The following TRAPPC8 variants were observed in gnomAD, a reference collection of about 807,000 sequenced individuals.
TRAPPC8 encodes general sporulation gene 1 homolog.
A neutral mutation model predicts 174.3 loss-of-function variants in TRAPPC8; 54 were observed. That is an observed-to-expected ratio of 0.31 (90% confidence interval 0.25 to 0.39). The LOEUF is 0.39. Among genes scored for constraint, TRAPPC8 ranks in the 10% least tolerant of loss-of-function variants. The pLI is 1.00. For synonymous variants in TRAPPC8, 630 were observed against 579.9 expected (o/e 1.09, Z -1.24); for missense variants, 1,531 against 1,699.1 (o/e 0.90, Z 1.74).
At position 31,930,467 on chromosome 18, in the gene TRAPPC8, G is replaced by A. The variant is rs147707743; in HGVS notation, c.352+862C>T. ...GATATTAGGAAGTATTAAAGTATTA[G>A]ATTATAAACTATCCTGGCCTAAAAA... On this transcript the variant is annotated intron_variant, in intron 2 of 28. Transcript: ENST00000283351. Among the ~76,000 whole-genome samples, 1,083 of 152,250 alleles carry A rather than the reference G, an allele frequency of 7.1e-3. 14 individuals are homozygous for A. Among genetic ancestry groups the A allele is most frequent in the African/African-American group, 0.025 (1,038 of 41,544 alleles).
chr18:31,865,740 A>C (rs1217245754), intron 18 of TRAPPC8, among the ~76,000 whole-genome samples: 1 of 151,876 alleles, frequency 6.6e-6, no homozygotes, highest in East Asian at 1.9e-4. Flanking sequence ...AAGGAGATTC[A>C]AAAAGCTGTT....
intron 11 of TRAPPC8, among the ~76,000 whole-genome samples, chr18:31,893,955 A>G (rs1452154776): frequency 6.6e-6 from 1 of 152,220 alleles, no homozygotes; most frequent in Non-Finnish European, 1.5e-5. Context: ...AGCTAAGAAT[A>G]TCCCCTGAGA....
chr18:31,872,081 T>C (rs909269308), intron 14 of TRAPPC8, among the ~76,000 whole-genome samples: 2 of 152,130 alleles, frequency 1.3e-5, no homozygotes, highest in African/African-American at 4.8e-5. Flanking sequence ...ATCACCCAAA[T>C]AGTATACATT....
rs776289686 is a variant in TRAPPC8 at position 31,853,914 on chromosome 18, A to G, written c.3368T>C (p.Val1123Ala). ...GTGTTTGCTACTACTTGATACTTGC[A>G]CTATGTGGAATTCCTTAACGCCTGC... ...SEAGVKEFHIVQVSSSSKHWK... is the reference protein window; with the variant it reads ...SEAGVKEFHIAQVSSSSKHWK... The change falls in exon 22 of 29, where the codon GTG (valine) becomes GCG (alanine). Residue 1123 changes from valine (V) to alanine (A), a missense_variant. By Grantham distance (64) the Val-to-Ala change is moderately conservative (BLOSUM62 0). Coordinates refer to ENST00000283351, the MANE Select transcript of TRAPPC8 (RefSeq NM_014939.5). 3.1e-6 allele frequency: 5 copies of G among 1,611,254 alleles called. No individual in the cohort carries two copies. In the African/African-American group the frequency reaches 4.0e-5, roughly 13 times the overall value.
In TRAPPC8 at chr18:31,870,840, A is replaced by G. The variant is rs1201600398; in HGVS notation, c.2257+86T>C. Reference sequence around the variant, plus strand: ...AATTTATTTTTGCATCCCCAGCACCAATTATGTGTGCCAAACAATAAATTA... The same window carrying G: ...AATTTATTTTTGCATCCCCAGCACCGATTATGTGTGCCAAACAATAAATTA... On this transcript the variant is annotated intron_variant, in intron 15 of 28. Coordinates refer to ENST00000283351, the MANE Select transcript of TRAPPC8 (RefSeq NM_014939.5). 4.9e-6 allele frequency: 6 copies of G among 1,229,592 alleles called. No individual in the cohort carries two copies. In the East Asian group the frequency reaches 1.3e-4, roughly 27 times the overall value. The allele number at this position is 1,229,592 out of a possible 1,614,324, so 76.2% of individuals were successfully genotyped here. A position where few individuals can be genotyped will look rare whatever the true frequency, so the allele number is the denominator to read the frequency against.
At chr18:31,869,564 CAAA>C (rs958447029) in intron 16 of TRAPPC8, among the ~76,000 whole-genome samples, 1 of 152,004 alleles carries the variant, frequency 6.6e-6, no homozygotes, top group African/African-American at 2.4e-5. Context: ...AAGCCACACA[CAAA>C]AAAGTGCACC....
At chr18:31,887,355 G>GT (rs1473649524) in intron 12 of TRAPPC8, among the ~76,000 whole-genome samples, 3 of 152,066 alleles carry the variant, frequency 2.0e-5, no homozygotes, top group African/African-American at 7.2e-5. Flanking sequence ...CCTCAAAATA[G>GT]TAAGAGCTGG....
intron 19 of TRAPPC8, among the ~76,000 whole-genome samples, 174 bp downstream of exon 19, chr18:31,864,453 C>T (rs370879255): frequency 1.4e-4 from 21 of 152,168 alleles, no homozygotes; most frequent in Admixed American, 1.1e-3. Context: ...GACTTAATGG[C>T]AATTTGCATG....
intron 27 of TRAPPC8, among the ~76,000 whole-genome samples, chr18:31,836,830 C>T (rs865880136): frequency 4.1e-4 from 60 of 147,362 alleles, no homozygotes; most frequent in African/African-American, 1.4e-3. Flanking sequence ...GGCACGATCT[C>T]GGCTCACTGC....
chr18:31,848,393 A>G (rs1473847980), intron 25 of TRAPPC8, among the ~76,000 whole-genome samples: 1 of 152,198 alleles, frequency 6.6e-6, no homozygotes, highest in Non-Finnish European at 1.5e-5. Flanking sequence ...AATATTATAG[A>G]TTGCTACACG....
chr18:31,856,459 CTTAAGTGA>C (rs2034019040), intron 20 of TRAPPC8, among the ~76,000 whole-genome samples: 1 of 90,502 alleles, frequency 1.1e-5, no homozygotes, highest in Non-Finnish European at 2.4e-5. Flanking sequence ...CTTAAGTGAT[CTTAAGTGA>C]GGCCCACCTC....
intron 27 of TRAPPC8, among the ~76,000 whole-genome samples, chr18:31,837,730 GA>G (rs919413304): frequency 6.1e-5 from 9 of 148,732 alleles, no homozygotes; most frequent in South Asian, 2.1e-4. Context: ...AGAAGAAGAA[GA>G]AAAAAAAATA....
intron 4 of TRAPPC8, among the ~76,000 whole-genome samples, chr18:31,914,382 T>C (rs2037046769): frequency 2.0e-5 from 3 of 152,222 alleles, no homozygotes; most frequent in African/African-American, 7.2e-5. Flanking sequence ...TTACTAATGA[T>C]ACTGCTAAAC....
intron 12 of TRAPPC8, among the ~76,000 whole-genome samples, chr18:31,879,146 G>A (rs969368069): frequency 6.6e-6 from 1 of 152,136 alleles, no homozygotes; most frequent in African/African-American, 2.4e-5. Flanking sequence ...GTCTACAGAA[G>A]ATTCCAACTG....
intron 12 of TRAPPC8, among the ~76,000 whole-genome samples, chr18:31,878,131 C>A (rs558121482): frequency 6.6e-6 from 1 of 152,198 alleles, no homozygotes; most frequent in East Asian, 1.9e-4. Flanking sequence ...CTGGTCAGAG[C>A]CTAATGGACA....
At chr18:31,870,651 T>C in intron 15 of TRAPPC8, 149 bp from the exon 16 acceptor site, 1 of 936,622 alleles carries the variant, frequency 1.1e-6, no homozygotes. Flanking sequence ...GTATTCAGGA[T>C]TCTGTTGTAA....
Position 31,942,645 on chromosome 18 carries a change from C to T in TRAPPC8, c.120G>A (p.Ala40=), listed in dbSNP as rs1170716418. 27 of 1,610,968 alleles carry T rather than the reference C, an allele frequency of 1.7e-5. No homozygotes were observed. Among genetic ancestry groups the T allele is most frequent in the Non-Finnish European group, 2.2e-5 (26 of 1,178,772 alleles). Residue 40 remains alanine, a synonymous_variant, in exon 1 of 29, where the codon GCG becomes GCA. Coordinates refer to ENST00000283351, the MANE Select transcript of TRAPPC8 (RefSeq NM_014939.5). ...GGCGGGAGAAGGGCTTAAGCAGCTC[C>T]GCGAAGCTGAGGTGATTGAGACGAG... ...RLTRLNHLSF[A]ELLKPFSRLT...
chr18:31,933,448 C>A (rs546000743), intron 1 of TRAPPC8, among the ~76,000 whole-genome samples: 147 of 152,312 alleles, frequency 9.7e-4, no homozygotes, highest in African/African-American at 3.0e-3. Flanking sequence ...TCTTCATCTG[C>A]ACATGTGATT....
chr18:31,890,775 T>C lies in TRAPPC8; in HGVS notation c.1688A>G (p.His563Arg). ...AAATCGATGGCCTGCCAATATCATA[T>C]GAAATGCATATTTTCTAACCATGGG... is the stretch of plus-strand genomic sequence containing the variant. ...KSPMVRKYAF[H>R]MILAGHRFSK... The change falls in exon 12 of 29, where the codon CAT (histidine) becomes CGT (arginine). Residue 563 changes from histidine (H) to arginine (R), a missense_variant. Transcript: ENST00000283351. 6.2e-7 allele frequency: 1 copy of C among 1,612,500 alleles called. No homozygotes were observed. The highest frequency in any genetic ancestry group is 8.5e-7 in the Non-Finnish European group (1 of 1,179,056).
Sources: gnomAD v4.1 joint callset for allele counts (sites outside exome capture counted in the v4.1 genomes callset) on GRCh38, gnomAD v4.1.1 for gene constraint, MANE v1.5 for transcripts, NCBI Gene and HGNC (gene_info 2026-07-23, HGNC 2026-07-21) for gene names.